The following ZNF236 variants were observed in gnomAD, a reference collection of about 807,000 sequenced individuals.
ZNF236 encodes regulated by glucose.
In ZNF236, 50 loss-of-function variants were observed where a neutral mutation model predicts 191.2. That is an observed-to-expected ratio of 0.26 (90% CI 0.21 to 0.33). The LOEUF (loss-of-function observed/expected upper bound fraction) is 0.33. Among genes scored for constraint, ZNF236 ranks in the 10% least tolerant of loss-of-function variants. The pLI, the probability that ZNF236 is intolerant of heterozygous loss-of-function variation, is 1.00. For synonymous variants in ZNF236, 907 were observed against 928.8 expected, an observed-to-expected ratio of 0.98 and a Z score of 0.43; for missense variants, 1,754 against 2,374.5, an observed-to-expected ratio of 0.74 and a Z score of 5.43.
At chr18:76,956,992 G>A (rs1026063487) in intron 28 of ZNF236, among the ~76,000 whole-genome samples, 5 of 152,292 alleles carry the variant, frequency 3.3e-5, no homozygotes, top group South Asian at 4.2e-4. Context: ...CAAAAACCCC[G>A]TAACATGAGA....
intron 2 of ZNF236, among the ~76,000 whole-genome samples, chr18:76,850,047 G>A (rs973925605): frequency 6.6e-5 from 10 of 152,070 alleles, no homozygotes; most frequent in African/African-American, 2.4e-4. Flanking sequence ...ATTTAAAAAT[G>A]GTATTCTAGA....
chr18:76,957,659 C>T (rs1968554324), intron 28 of ZNF236, among the ~76,000 whole-genome samples: 1 of 152,102 alleles, frequency 6.6e-6, no homozygotes, highest in Non-Finnish European at 1.5e-5. Context: ...TTTTCCTGCT[C>T]CTCTCCCTCC....
At chr18:76,952,028 A>G (rs748146488) in intron 27 of ZNF236, among the ~76,000 whole-genome samples, 2 of 152,212 alleles carry the variant, frequency 1.3e-5, no homozygotes, top group Non-Finnish European at 1.5e-5. Flanking sequence ...TTACAATAGT[A>G]ACATCAAAGA....
At chr18:76,968,158 T>C (rs17575711) in intron 30 of ZNF236, 57 bp from the exon 31 acceptor site, 735,403 of 1,595,764 alleles carry the variant, frequency 0.46, 173,813 homozygotes, top group Non-Finnish European at 0.49. Flanking sequence ...TAAATAGGAA[T>C]CATTTTGTGC....
chr18:76,959,878 A>G (rs1356814508), intron 29 of ZNF236, 62 bp downstream of exon 29: 18 of 1,559,578 alleles, frequency 1.2e-5, no homozygotes, highest in African/African-American at 4.1e-5. Flanking sequence ...TGGGTGAGAA[A>G]ACATAATTCC....
At chr18:76,949,728 AGCTCACT>A (rs1968356954) in intron 27 of ZNF236, among the ~76,000 whole-genome samples, 1 of 148,922 alleles carries the variant, frequency 6.7e-6, no homozygotes, top group Admixed American at 6.8e-5. Flanking sequence ...GTGCAATCTC[AGCTCACT>A]GCAACCTCCG....
rs1406608631 is a variant in ZNF236 at position 76,959,956 on chromosome 18, C to T, written c.5242+140C>T. On this transcript the variant is annotated intron_variant, in intron 29 of 30. Coordinates refer to ENST00000320610, the MANE Select transcript of ZNF236 (RefSeq NM_001306089.2). ...AGCAAGGTCCACATGTTCCATTTCT[C>T]CTGAGTTTTGACCTATTTATTGTCA... The T allele has an allele frequency of 7.3e-6, 8 of 1,089,178 alleles. No homozygotes were observed. The African/African-American group carries it at 9.5e-5, about 13-fold the overall frequency. 67.5% of individuals were successfully genotyped at this position (1,089,178 alleles called of 1,614,324 possible). A position where few individuals can be genotyped will look rare whatever the true frequency, so the allele number is the denominator to read the frequency against.
chr18:76,848,690 G>C (rs1164823313), intron 1 of ZNF236, among the ~76,000 whole-genome samples: 1 of 152,178 alleles, frequency 6.6e-6, no homozygotes. Context: ...TTAAGAGACA[G>C]GGTCTTGCTC....
intron 9 of ZNF236, among the ~76,000 whole-genome samples, chr18:76,882,525 C>T (rs1289159351): frequency 6.6e-6 from 1 of 152,190 alleles, no homozygotes; most frequent in African/African-American, 2.4e-5. Context: ...AAGACAGATT[C>T]CTGTGTTTTT....
At chr18:76,823,576 A>G (rs1189429381) in intron 1 of ZNF236, among the ~76,000 whole-genome samples, 1 of 152,214 alleles carries the variant, frequency 6.6e-6, no homozygotes, top group Non-Finnish European at 1.5e-5. Flanking sequence ...TTCCCCAGTA[A>G]TTTATTCTCC....
chr18:76,842,438 C>CTT (rs34838341), intron 1 of ZNF236, among the ~76,000 whole-genome samples: 76 of 141,572 alleles, frequency 5.4e-4, no homozygotes, highest in East Asian at 8.3e-4. Flanking sequence ...CCCCCCTCAA[C>CTT]TTTTTTTTTT....
intron 30 of ZNF236, among the ~76,000 whole-genome samples, chr18:76,961,378 TG>T (rs1968663846): frequency 8.1e-6 from 1 of 124,148 alleles, no homozygotes; most frequent in Non-Finnish European, 1.8e-5. Context: ...TGTGTGTGTG[TG>T]TGTGTGTGTG....
Position 76,912,363 on chromosome 18 carries a change from G to T in ZNF236, c.2909+16G>T. 6.3e-7 allele frequency: 1 copy of T among 1,598,640 alleles called. No homozygotes were observed. The highest frequency in any genetic ancestry group is 8.6e-7 in the Non-Finnish European group (1 of 1,167,262). ...GCTCTTACAGGTAGTTGTCTGCACA[G>T]ACCAGCTCATGGTATTGCCGGCTCC... is the stretch of plus-strand genomic sequence containing the variant. On this transcript the variant is annotated intron_variant, in intron 17 of 30. Coordinates refer to ENST00000320610, the MANE Select transcript of ZNF236 (RefSeq NM_001306089.2).
At chr18:76,904,311 G>A in intron 11 of ZNF236, 69 bp from the exon 12 acceptor site, 1 of 1,445,612 alleles carries the variant, frequency 6.9e-7, no homozygotes, top group Admixed American at 2.4e-5. Context: ...TAAAACATGT[G>A]CCTTGTGACA....
Position 76,923,150 on chromosome 18 carries a change from G to A in ZNF236, c.3637G>A (p.Asp1213Asn), listed in dbSNP as rs1568232019. Residue 1213 changes from aspartate (D) to asparagine (N), a missense_variant, in exon 21 of 31, where the codon GAT becomes AAT. Asp to Asn is a conservative substitution (Grantham distance 23). This residue lies in a region of ZNF236 where 45 missense variants were observed against 137.4 expected (regional missense o/e 0.33). Transcript: ENST00000320610. Reference sequence around the variant, plus strand: ...GAGTTTTACTGTGAAATCCACTCTCGATTGTCATGTGAAGACTCACACAGG... The same window carrying A: ...GAGTTTTACTGTGAAATCCACTCTCAATTGTCATGTGAAGACTCACACAGG... ...GKSFTVKSTLDCHVKTHTGQK... is the reference protein window; with the variant it reads ...GKSFTVKSTLNCHVKTHTGQK... 1.9e-5 allele frequency: 31 copies of A among 1,613,612 alleles called. No individual in the cohort carries two copies. Among genetic ancestry groups the A allele is most frequent in the Non-Finnish European group, 2.5e-5 (30 of 1,179,598 alleles).
At chr18:76,897,266 CCAAA>C (rs1395375453) in intron 10 of ZNF236, among the ~76,000 whole-genome samples, 1 of 151,474 alleles carries the variant, frequency 6.6e-6, no homozygotes, top group African/African-American at 2.4e-5. Flanking sequence ...TCATATAGTA[CCAAA>C]CACAGTACTG....
chr18:76,846,102 ATGCATTAATTAAGGACTGTC>A (rs1975670585), intron 1 of ZNF236, among the ~76,000 whole-genome samples: 1 of 151,982 alleles, frequency 6.6e-6, no homozygotes, highest in Admixed American at 6.5e-5. Flanking sequence ...TTATCTAAGG[ATGCATTAATTAAGGACTGTC>A]TCTTTTTAAA....
At chr18:76,894,938 G>A in intron 9 of ZNF236, 75 bp from the exon 10 acceptor site, 1 of 1,559,022 alleles carries the variant, frequency 6.4e-7, no homozygotes, top group Non-Finnish European at 8.7e-7. Flanking sequence ...CTTTCTGTGG[G>A]GACCACAGGG....
At chr18:76,884,894 C>T (rs1023857480) in intron 9 of ZNF236, 1 of 152,178 alleles carries the variant, frequency 6.6e-6, no homozygotes, top group African/African-American at 2.4e-5. Flanking sequence ...CTTTCTCCTT[C>T]TCCGTGGGGT....
Sources: gnomAD v4.1 joint callset for allele counts (sites outside exome capture counted in the v4.1 genomes callset) on GRCh38, gnomAD v4.1.1 for gene constraint, gnomAD v4.1.1 regional missense constraint, MANE v1.5 for transcripts, NCBI Gene and HGNC (gene_info 2026-07-23, HGNC 2026-07-21) for gene names.